Variants in GAREM1 observed in about 807,000 individuals in gnomAD.
The protein encoded by GAREM1 is GRB2-associated and regulator of MAPK protein 1.
Under a neutral mutation model 71.3 loss-of-function variants are expected in GAREM1, and 26 were observed. The ratio of observed to expected loss-of-function variants is 0.36; its 90% CI spans 0.27 to 0.51. The LOEUF is 0.51. Among genes scored for constraint, GAREM1 ranks in the 20% least tolerant of loss-of-function variants. The pLI, the probability that GAREM1 is intolerant of heterozygous loss-of-function variation, is 0.95. For synonymous variants in GAREM1, 440 were observed against 433.2 expected, an observed-to-expected ratio of 1.02 and a Z score of -0.20; for missense variants, 1,026 against 1,103.1, an observed-to-expected ratio of 0.93 and a Z score of 0.99.
intron 2 of GAREM1, among the ~76,000 whole-genome samples, chr18:32,364,016 ATATATATATATGTTTT>A (rs2047898981): frequency 6.1e-5 from 3 of 49,098 alleles, no homozygotes; most frequent in African/African-American, 3.7e-4. Context: ...ATATATATAT[ATATATATATATGTTTT>A]TTTTTTTTTT....
chr18:32,286,965 A>G, intron 4 of GAREM1, 66 bp downstream of exon 4: 2 of 1,203,372 alleles, frequency 1.7e-6, no homozygotes, highest in Non-Finnish European at 2.4e-6. Flanking sequence ...AAGAAAATAA[A>G]TTAGTGGATG....
At chr18:32,393,320 A>C (rs142022439) in intron 1 of GAREM1, among the ~76,000 whole-genome samples, 110 of 152,276 alleles carry the variant, frequency 7.2e-4, no homozygotes, top group African/African-American at 2.5e-3. Flanking sequence ...TTTTAATGAT[A>C]ATAAAACATT....
At chr18:32,307,384 C>A (rs1167488587) in intron 3 of GAREM1, among the ~76,000 whole-genome samples, 1 of 152,100 alleles carries the variant, frequency 6.6e-6, no homozygotes, top group African/African-American at 2.4e-5. Context: ...AAAACTGCTT[C>A]TTGGATAATA....
chr18:32,439,886 AGTGAATGAAG>A (rs1161308783), intron 1 of GAREM1, among the ~76,000 whole-genome samples: 2 of 151,866 alleles, frequency 1.3e-5, no homozygotes, highest in Non-Finnish European at 1.5e-5. Flanking sequence ...TGACAGTTCT[AGTGAATGAAG>A]GTGAATGAAG....
intron 2 of GAREM1, among the ~76,000 whole-genome samples, chr18:32,313,609 G>T (rs996879905): frequency 1.3e-5 from 2 of 152,158 alleles, no homozygotes; most frequent in Admixed American, 1.3e-4. Flanking sequence ...TCACAATGAG[G>T]ACAGAATCCT....
chr18:32,464,572 CT>C (rs1414576725), intron 1 of GAREM1, among the ~76,000 whole-genome samples: 2 of 152,220 alleles, frequency 1.3e-5, no homozygotes, highest in Non-Finnish European at 2.9e-5. Context: ...GTTTATAACA[CT>C]TTCTGTCTGA....
intron 2 of GAREM1, among the ~76,000 whole-genome samples, chr18:32,372,933 C>T (rs1426420548): frequency 6.6e-6 from 1 of 152,134 alleles, no homozygotes; most frequent in Non-Finnish European, 1.5e-5. Flanking sequence ...AGCTTCATCT[C>T]GATTACAGCT....
At chr18:32,299,707 G>A (rs1001015902) in intron 3 of GAREM1, among the ~76,000 whole-genome samples, 3 of 152,004 alleles carry the variant, frequency 2.0e-5, no homozygotes, top group Admixed American at 2.0e-4. Context: ...AGCTTATGTT[G>A]AAAGCCTGTG....
At chr18:32,395,879 T>C (rs917446877) in intron 1 of GAREM1, among the ~76,000 whole-genome samples, 1 of 152,196 alleles carries the variant, frequency 6.6e-6, no homozygotes, top group Non-Finnish European at 1.5e-5. Context: ...AGTGGGTCCC[T>C]GACCCCCAAG....
chr18:32,299,211 A>C (rs116635708), intron 3 of GAREM1, among the ~76,000 whole-genome samples: 150 of 152,238 alleles, frequency 9.9e-4, no homozygotes, highest in African/African-American at 3.1e-3. Flanking sequence ...AAAAAACTGG[A>C]AAATAAAAAG....
chr18:32,278,933 G>T (rs573118304), intron 4 of GAREM1, among the ~76,000 whole-genome samples: 3 of 152,214 alleles, frequency 2.0e-5, no homozygotes, highest in African/African-American at 7.2e-5. Flanking sequence ...CTCAGAAATG[G>T]TCTCCAATAT....
intron 1 of GAREM1, chr18:32,412,266 C>G (rs941114992): frequency 6.3e-7 from 1 of 1,576,826 alleles, no homozygotes; most frequent in Non-Finnish European, 8.6e-7. Flanking sequence ...ACCGCCATAG[C>G]CACCTTGGTT....
chr18:32,412,503 C>G (rs1287507950), intron 1 of GAREM1: 1 of 1,596,610 alleles, frequency 6.3e-7, no homozygotes, highest in Non-Finnish European at 8.5e-7. Flanking sequence ...AAAGCCACCA[C>G]GACCACTGAA....
intron 1 of GAREM1, among the ~76,000 whole-genome samples, chr18:32,428,705 A>G (rs1370077531): frequency 6.6e-6 from 1 of 152,238 alleles, no homozygotes; most frequent in Non-Finnish European, 1.5e-5. Context: ...AAATGCAAGA[A>G]CAGACTAATA....
At chr18:32,304,750 C>T (rs970226699) in intron 3 of GAREM1, among the ~76,000 whole-genome samples, 5 of 152,148 alleles carry the variant, frequency 3.3e-5, no homozygotes, top group Admixed American at 6.6e-5. Flanking sequence ...TCTTGTGACC[C>T]GCCCATGGTC....
chr18:32,329,575 G>A (rs764833870), intron 2 of GAREM1, among the ~76,000 whole-genome samples: 5 of 151,542 alleles, frequency 3.3e-5, no homozygotes, highest in East Asian at 1.9e-4. Context: ...GTGTGGTGGC[G>A]CATGCCTGTA....
At chr18:32,364,142 C>T (rs1265125850) in intron 2 of GAREM1, among the ~76,000 whole-genome samples, 1 of 146,378 alleles carries the variant, frequency 6.8e-6, no homozygotes, top group African/African-American at 2.5e-5. Context: ...TCATGCGATT[C>T]TCCTGCCTCA....
intron 2 of GAREM1, among the ~76,000 whole-genome samples, chr18:32,363,326 T>A (rs568602618): frequency 6.6e-6 from 1 of 152,310 alleles, no homozygotes; most frequent in Non-Finnish European, 1.5e-5. Context: ...CATGGTTCCA[T>A]TCCTTTGCAA....
chr18:32,294,530 T>A lies in GAREM1; in HGVS notation c.394-6327A>T, dbSNP rs2047121131. Among the ~76,000 whole-genome samples, 3 of 152,374 alleles carry A rather than the reference T, an allele frequency of 2.0e-5. No homozygotes were observed. In the South Asian group the frequency reaches 6.2e-4, roughly 32 times the overall value. On this transcript the variant is annotated intron_variant, in intron 3 of 5. Coordinates refer to ENST00000269209, the MANE Select transcript of GAREM1 (RefSeq NM_001242409.2). ...TAACTTTATTGTAGTACATTAAATC[T>A]ACATGGTGTTTTGGCAAGAAGTGAC...
Sources: gnomAD v4.1 joint callset for allele counts (sites outside exome capture counted in the v4.1 genomes callset) on GRCh38, gnomAD v4.1.1 for gene constraint, MANE v1.5 for transcripts, NCBI Gene and HGNC (gene_info 2026-07-23, HGNC 2026-07-21) for gene names.